Variants in RNF150 observed in about 807,000 individuals in gnomAD.
The protein encoded by RNF150 is ring finger protein 150.
Under a neutral mutation model 39.3 loss-of-function variants are expected in RNF150, and 24 were observed. That is an observed-to-expected ratio of 0.61 (90% CI 0.44 to 0.86). The LOEUF (loss-of-function observed/expected upper bound fraction) is 0.86, where lower values mean the gene tolerates loss of function less well. Ranked by LOEUF, RNF150 falls within the 40% of genes least tolerant of loss-of-function variation. The pLI is 0.00. For missense variants in RNF150, 502 were observed against 587.8 expected (o/e 0.85, Z 1.51); for synonymous variants, 255 against 227.3 (o/e 1.12, Z -1.10).
At chr4:141,033,607 C>T (rs1327918196) in intron 1 of RNF150, among the ~76,000 whole-genome samples, 7 of 152,092 alleles carry the variant, frequency 4.6e-5, no homozygotes, top group South Asian at 2.1e-4. Context: ...CACTGGGCAG[C>T]GATACCTTAA....
chr4:141,140,193 A>G (rs1356295235), intron 1 of RNF150, among the ~76,000 whole-genome samples: 1 of 152,174 alleles, frequency 6.6e-6, no homozygotes, highest in Non-Finnish European at 1.5e-5. Flanking sequence ...AACTAATAAT[A>G]TTCACTTCTT....
At chr4:141,044,978 C>T (rs775866327) in intron 1 of RNF150, among the ~76,000 whole-genome samples, 22 of 152,160 alleles carry the variant, frequency 1.4e-4, no homozygotes, top group Non-Finnish European at 3.2e-4. Context: ...AGGCATTGAG[C>T]TAAGTATTTT....
At chr4:141,096,429 T>C (rs35692485) in intron 1 of RNF150, among the ~76,000 whole-genome samples, 27,304 of 151,716 alleles carry the variant, frequency 0.18, 3,347 homozygotes, top group Non-Finnish European at 0.27. Flanking sequence ...AACTCCTGAG[T>C]TCAGGCAATC....
At chr4:141,163,271 G>C (rs1727545762) in intron 1 of RNF150, among the ~76,000 whole-genome samples, 2 of 152,210 alleles carry the variant, frequency 1.3e-5, no homozygotes, top group Non-Finnish European at 2.9e-5. Context: ...TCTCTGGGCA[G>C]GGCATCTCTG....
chr4:141,072,758 G>A (rs1034598923), intron 1 of RNF150, among the ~76,000 whole-genome samples: 4 of 152,060 alleles, frequency 2.6e-5, no homozygotes, highest in East Asian at 1.9e-4. Flanking sequence ...AGTCTTATTT[G>A]TACTTGATGC....
intron 1 of RNF150, among the ~76,000 whole-genome samples, chr4:140,983,408 G>A (rs1579026355): frequency 6.6e-6 from 1 of 152,102 alleles, no homozygotes; most frequent in South Asian, 2.1e-4. Context: ...CTATAGATAA[G>A]CATAAATTTG....
rs967677608 is a variant in RNF150 at position 140,860,114 on chromosome 4, C to A, written c.*8147G>T. 1 of 147,806 alleles carries A rather than the reference C, an allele frequency of 6.8e-6. No individual in the cohort carries two copies. Among genetic ancestry groups the A allele is most frequent in the African/African-American group, 2.5e-5 (1 of 40,078 alleles). The allele number at this position is 147,806 out of a possible 1,614,324, so 9.2% of individuals were successfully genotyped here. A position where few individuals can be genotyped will look rare whatever the true frequency, so the allele number is the denominator to read the frequency against. On this transcript the variant is annotated 3_prime_UTR_variant, in exon 7 of 7. Coordinates refer to ENST00000515673, the MANE Select transcript of RNF150 (RefSeq NM_020724.2). ...AAAGTCTGTGTCTCCTAATAGAAGA[C>A]AAATTCCTTTAAAGACAGTTACTTT...
chr4:141,142,598 A>T (rs778851382), intron 1 of RNF150, among the ~76,000 whole-genome samples: 1 of 152,182 alleles, frequency 6.6e-6, no homozygotes, highest in African/African-American at 2.4e-5. Flanking sequence ...CACTCACCGA[A>T]ACTTCTGTGG....
At position 140,860,735 on chromosome 4, in the gene RNF150, T is replaced by C. The variant is rs1303061217; in HGVS notation, c.*7526A>G. The C allele has an allele frequency of 6.6e-6, 1 of 152,226 alleles. No homozygotes were observed. The highest frequency in any genetic ancestry group is 1.5e-5 in the Non-Finnish European group (1 of 68,040). The allele number at this position is 152,226 out of a possible 1,614,324, so 9.4% of individuals were successfully genotyped here. On this transcript the variant is annotated 3_prime_UTR_variant, in exon 7 of 7. Coordinates refer to ENST00000515673, the MANE Select transcript of RNF150 (RefSeq NM_020724.2). Reference sequence around the variant, plus strand: ...CTGATTATTTATAATTGTAAATTCATTATTTGCAGATTTTTTTCTAGTGGG... The same window carrying C: ...CTGATTATTTATAATTGTAAATTCACTATTTGCAGATTTTTTTCTAGTGGG...
intron 1 of RNF150, among the ~76,000 whole-genome samples, chr4:141,199,541 T>C (rs1379855490): frequency 6.6e-6 from 1 of 152,166 alleles, no homozygotes; most frequent in African/African-American, 2.4e-5. Context: ...ACTGGTACAC[T>C]CAATAATGTG....
chr4:140,982,571 GTTAGGGA>G (rs1733895801), intron 1 of RNF150, among the ~76,000 whole-genome samples: 1 of 130,214 alleles, frequency 7.7e-6, no homozygotes, highest in South Asian at 2.7e-4. Context: ...CAGAACGATT[GTTAGGGA>G]CTAACAAAAC....
chr4:141,191,262 C>G (rs1016367772), intron 1 of RNF150, among the ~76,000 whole-genome samples: 7 of 151,948 alleles, frequency 4.6e-5, no homozygotes, highest in African/African-American at 1.7e-4. Flanking sequence ...TCCTGATTCT[C>G]TTGACTTGGG....
At chr4:140,938,794 A>C (rs1032320901) in intron 4 of RNF150, among the ~76,000 whole-genome samples, 1 of 152,206 alleles carries the variant, frequency 6.6e-6, no homozygotes, top group African/African-American at 2.4e-5. Flanking sequence ...CTTCTCTGGC[A>C]GGGGAAAAAT....
chr4:140,874,776 C>A (rs1189860558), intron 6 of RNF150, among the ~76,000 whole-genome samples: 1 of 152,184 alleles, frequency 6.6e-6, no homozygotes, highest in Admixed American at 6.5e-5. Context: ...GACACCTGTG[C>A]AGCCTCTATC....
chr4:140,979,018 T>C (rs1733765396), intron 1 of RNF150, among the ~76,000 whole-genome samples: 1 of 152,170 alleles, frequency 6.6e-6, no homozygotes, highest in South Asian at 2.1e-4. Flanking sequence ...AGTCGTTCTT[T>C]GGTGTATGCA....
At chr4:140,905,280 A>G (rs771084291) in intron 6 of RNF150, among the ~76,000 whole-genome samples, 2 of 152,286 alleles carry the variant, frequency 1.3e-5, no homozygotes, top group South Asian at 2.1e-4. Flanking sequence ...GTAGTTTAGT[A>G]GAGATAGCAG....
chr4:141,008,261 T>C (rs577918125), intron 1 of RNF150, among the ~76,000 whole-genome samples: 1 of 152,222 alleles, frequency 6.6e-6, no homozygotes, highest in Non-Finnish European at 1.5e-5. Flanking sequence ...GCCTAAGTCA[T>C]TTGTTAATTT....
intron 1 of RNF150, among the ~76,000 whole-genome samples, chr4:141,087,150 C>A (rs568281548): frequency 1.6e-4 from 25 of 152,270 alleles, no homozygotes; most frequent in African/African-American, 5.5e-4. Flanking sequence ...CACCCTCCCC[C>A]TCAAGTAGAC....
intron 2 of RNF150, among the ~76,000 whole-genome samples, chr4:140,957,596 T>C (rs929815254): frequency 6.6e-6 from 1 of 152,106 alleles, no homozygotes; most frequent in Non-Finnish European, 1.5e-5. Context: ...AAGACACATG[T>C]ACACGTATGT....
Sources: gnomAD v4.1 joint callset for allele counts (sites outside exome capture counted in the v4.1 genomes callset) on GRCh38, gnomAD v4.1.1 for gene constraint, MANE v1.5 for transcripts, NCBI Gene and HGNC (gene_info 2026-07-23, HGNC 2026-07-21) for gene names.